B3GALT1: variants seen among roughly 807,000 people sequenced by gnomAD.
B3GALT1 encodes UDP-Gal:betaGlcNAc beta 1,3-galactosyltransferase, polypeptide 1.
In B3GALT1, 10 loss-of-function variants were observed where a neutral mutation model predicts 23.2. That is an observed-to-expected ratio of 0.43 (90% CI 0.27 to 0.73). The LOEUF is 0.73. Ranked by LOEUF, B3GALT1 falls within the 30% of genes least tolerant of loss-of-function variation. The pLI is 0.21. For synonymous variants in B3GALT1, 156 were observed against 141.5 expected (o/e 1.10, Z -0.73); for missense variants, 299 against 405.4 (o/e 0.74, Z 2.25).
At chr2:167,410,723 C>T (rs140075603) in intron 1 of B3GALT1, among the ~76,000 whole-genome samples, 64 of 152,002 alleles carry the variant, frequency 4.2e-4, no homozygotes, top group African/African-American at 1.3e-3. Flanking sequence ...ATATTCTGCA[C>T]GTGTATCCCA....
At chr2:167,668,967 C>A (rs1284497059) in intron 3 of B3GALT1, among the ~76,000 whole-genome samples, 1 of 152,084 alleles carries the variant, frequency 6.6e-6, no homozygotes, top group East Asian at 1.9e-4. Flanking sequence ...CCATCCTATC[C>A]CATTCTCTAA....
intron 2 of B3GALT1, among the ~76,000 whole-genome samples, chr2:167,602,979 A>T (rs188953610): frequency 6.6e-5 from 10 of 152,276 alleles, no homozygotes; most frequent in Non-Finnish European, 4.4e-5. Context: ...GAGTGAAGCC[A>T]CCACCTTACT....
intron 2 of B3GALT1, among the ~76,000 whole-genome samples, chr2:167,580,402 T>C (rs1033382786): frequency 2.6e-5 from 4 of 152,028 alleles, no homozygotes; most frequent in African/African-American, 9.7e-5. Context: ...TCTTTCTTTT[T>C]CTTGGAAAAA....
At chr2:167,563,001 G>A (rs1290784710) in intron 2 of B3GALT1, among the ~76,000 whole-genome samples, 1 of 152,126 alleles carries the variant, frequency 6.6e-6, no homozygotes, top group Admixed American at 6.5e-5. Flanking sequence ...CAAGGCAGAA[G>A]AACCTCTCTC....
chr2:167,562,761 A>G (rs1284201494), intron 2 of B3GALT1, among the ~76,000 whole-genome samples: 2 of 151,816 alleles, frequency 1.3e-5, no homozygotes, highest in Non-Finnish European at 2.9e-5. Flanking sequence ...CAAGTGAACA[A>G]AGGTCTCTGG....
At chr2:167,864,111 C>A (rs1433225019) in intron 4 of B3GALT1, among the ~76,000 whole-genome samples, 2 of 151,998 alleles carry the variant, frequency 1.3e-5, no homozygotes, top group Non-Finnish European at 2.9e-5. Flanking sequence ...CTGCTCTCAG[C>A]ATCTTCAAGC....
chr2:167,581,942 T>C (rs530811077), intron 2 of B3GALT1, among the ~76,000 whole-genome samples: 1 of 152,326 alleles, frequency 6.6e-6, no homozygotes, highest in African/African-American at 2.4e-5. Flanking sequence ...GTGCCCTGTC[T>C]TCTGTGCATA....
intron 2 of B3GALT1, among the ~76,000 whole-genome samples, chr2:167,610,445 A>G (rs565979949): frequency 1.1e-4 from 16 of 152,166 alleles, no homozygotes; most frequent in Non-Finnish European, 1.5e-4. Context: ...CCATTTCACA[A>G]TCAAGATTGT....
intron 3 of B3GALT1, among the ~76,000 whole-genome samples, chr2:167,745,780 GTA>G (rs1417224052): frequency 6.6e-6 from 1 of 151,880 alleles, no homozygotes; most frequent in African/African-American, 2.4e-5. Flanking sequence ...TTCTACTGAC[GTA>G]TAGTGTGGTT....
intron 3 of B3GALT1, among the ~76,000 whole-genome samples, chr2:167,648,449 G>A (rs1174114954): frequency 6.6e-6 from 1 of 151,906 alleles, no homozygotes; most frequent in African/African-American, 2.4e-5. Context: ...TACAAGAAAT[G>A]TCTCTACTCA....
intron 1 of B3GALT1, among the ~76,000 whole-genome samples, chr2:167,421,962 C>T (rs1469078022): frequency 6.6e-6 from 1 of 152,050 alleles, no homozygotes; most frequent in African/African-American, 2.4e-5. Context: ...AAAAAGGCAA[C>T]CCTAAAATCA....
intron 1 of B3GALT1, among the ~76,000 whole-genome samples, chr2:167,439,926 G>A (rs1168257227): frequency 7.0e-6 from 1 of 142,948 alleles, no homozygotes; most frequent in Non-Finnish European, 1.5e-5. Context: ...ATACTTCACA[G>A]CTACATTATA....
chr2:167,595,808 T>C (rs1338025699), intron 2 of B3GALT1, among the ~76,000 whole-genome samples: 1 of 152,354 alleles, frequency 6.6e-6, no homozygotes, highest in East Asian at 1.9e-4. Context: ...TTTTAAAATA[T>C]CAAAGACTCA....
At position 167,663,124 on chromosome 2, in the gene B3GALT1, A is replaced by C. The variant is rs1461579213; in HGVS notation, c.-352+16158A>C. 1.2e-4 allele frequency among the ~76,000 whole-genome samples: 11 copies of C among 91,390 alleles called. No homozygotes were observed. In the South Asian group the frequency reaches 4.3e-3, roughly 36 times the overall value. The allele number at this position is 91,390 out of a possible 152,430, so 60.0% of individuals were successfully genotyped here. A position where few individuals can be genotyped will look rare whatever the true frequency, so the allele number is the denominator to read the frequency against. On this transcript the variant is annotated intron_variant, in intron 3 of 4. Transcript: ENST00000392690. ...TCCCTCCCCCCTCCCCCCACCCCAC[A>C]ACAGTCCCAAGAGTGTGATGTTCCC...
intron 4 of B3GALT1, among the ~76,000 whole-genome samples, chr2:167,825,156 G>A (rs1488976643): frequency 6.6e-6 from 1 of 151,646 alleles, no homozygotes; most frequent in Non-Finnish European, 1.5e-5. Context: ...GTGGTGGCGG[G>A]CACCTGTAGT....
intron 2 of B3GALT1, among the ~76,000 whole-genome samples, chr2:167,615,183 AG>A (rs1213471374): frequency 2.6e-5 from 4 of 152,132 alleles, no homozygotes; most frequent in African/African-American, 9.6e-5. Context: ...TATGCACAAC[AG>A]AATATTATTC....
intron 3 of B3GALT1, among the ~76,000 whole-genome samples, chr2:167,664,339 G>T (rs1686131959): frequency 6.6e-6 from 1 of 151,518 alleles, no homozygotes; most frequent in Non-Finnish European, 1.5e-5. Flanking sequence ...TTTGGTACCA[G>T]TACCATGCTG....
At chr2:167,691,844 C>A (rs1686719518) in intron 3 of B3GALT1, among the ~76,000 whole-genome samples, 1 of 152,100 alleles carries the variant, frequency 6.6e-6, no homozygotes, top group African/African-American at 2.4e-5. Flanking sequence ...GAAGCACAGG[C>A]AGGACCTATA....
intron 1 of B3GALT1, among the ~76,000 whole-genome samples, chr2:167,436,087 C>T (rs6759323): frequency 0.058 from 8,865 of 152,104 alleles, 593 homozygotes; most frequent in African/African-American, 0.17. Context: ...CCCTGTGACC[C>T]TCGTCTAATG....
Sources: allele counts gnomAD v4.1 joint callset (sites outside exome capture counted in the v4.1 genomes callset), GRCh38; gene constraint gnomAD v4.1.1; transcripts MANE v1.5; gene names NCBI Gene and HGNC (gene_info 2026-07-23, HGNC 2026-07-21).